The following LRP1B variants were observed in gnomAD, a reference collection of about 807,000 sequenced individuals.
LRP1B encodes the protein low-density lipoprotein receptor-related protein 1B.
In LRP1B, 217 loss-of-function variants were observed where a neutral mutation model predicts 556.6. The observed-to-expected ratio is 0.39, with a 90% confidence interval of 0.35 to 0.44. The LOEUF is 0.44. Ranked by LOEUF, LRP1B falls within the 20% of genes least tolerant of loss-of-function variation. LRP1B has a pLI of 1.00. For synonymous variants in LRP1B, 2,047 were observed against 1,865.8 expected, an observed-to-expected ratio of 1.10 and a Z score of -2.50; for missense variants, 5,053 against 5,620.8, an observed-to-expected ratio of 0.90 and a Z score of 3.23.
At chr2:141,945,541 A>G (rs200092199) in intron 1 of LRP1B, among the ~76,000 whole-genome samples, 60 of 77,332 alleles carry the variant, frequency 7.8e-4, no homozygotes, top group African/African-American at 2.8e-3. Context: ...GTATATATGT[A>G]TATATATATA....
intron 6 of LRP1B, among the ~76,000 whole-genome samples, chr2:141,210,966 A>G (rs1682514012): frequency 6.6e-6 from 1 of 152,136 alleles, no homozygotes; most frequent in Admixed American, 6.6e-5. Flanking sequence ...GTAGAGTGCT[A>G]AGAGGTTTAT....
chr2:140,535,704 T>C (rs1293689129), intron 46 of LRP1B, among the ~76,000 whole-genome samples: 3 of 152,108 alleles, frequency 2.0e-5, no homozygotes, highest in Non-Finnish European at 4.4e-5. Context: ...CTGGATCAAA[T>C]ATACAATGAT....
chr2:141,323,892 ACACACACACACACACCTGAACGAGGAAAC>A (rs1687333883), intron 3 of LRP1B, among the ~76,000 whole-genome samples: 2 of 136,470 alleles, frequency 1.5e-5, no homozygotes, highest in African/African-American at 5.4e-5. Context: ...CAAGGAAACC[ACACACACACACACACCTGAACGAGGAAAC>A]CACACACACA....
At chr2:141,880,675 T>C (rs928728682) in intron 1 of LRP1B, among the ~76,000 whole-genome samples, 3 of 152,192 alleles carry the variant, frequency 2.0e-5, no homozygotes, top group African/African-American at 2.4e-5. Flanking sequence ...TATTGAAGTA[T>C]GAAATGTTAT....
intron 2 of LRP1B, among the ~76,000 whole-genome samples, chr2:141,483,542 A>C (rs1409445810): frequency 1.5e-5 from 1 of 68,474 alleles, no homozygotes; most frequent in Non-Finnish European, 3.5e-5. Context: ...CACCACACTG[A>C]CTTCCACAAT....
intron 1 of LRP1B, among the ~76,000 whole-genome samples, chr2:142,039,885 G>A (rs1704006375): frequency 6.6e-6 from 1 of 151,408 alleles, no homozygotes; most frequent in African/African-American, 2.4e-5. Context: ...GACATAGATC[G>A]AGAGGATGGT....
intron 7 of LRP1B, among the ~76,000 whole-genome samples, chr2:141,063,981 G>C (rs1699410625): frequency 6.6e-6 from 1 of 151,792 alleles, no homozygotes; most frequent in Admixed American, 6.6e-5. Flanking sequence ...GGTACTTAAG[G>C]AGAGAGGTGA....
chr2:140,326,686 A>G (rs77023843), intron 79 of LRP1B, among the ~76,000 whole-genome samples: 3,504 of 150,316 alleles, frequency 0.023, 51 homozygotes, highest in Non-Finnish European at 0.023. Context: ...CAACAGAGTG[A>G]GACCCCCTGC....
chr2:142,072,713 G>A (rs990909290), intron 1 of LRP1B, among the ~76,000 whole-genome samples: 4 of 151,958 alleles, frequency 2.6e-5, no homozygotes, highest in African/African-American at 9.7e-5. Flanking sequence ...TGACTTAAAT[G>A]ATTACACTAT....
Position 141,881,552 on chromosome 2 carries a change from T to C in LRP1B, c.83-71151A>G, listed in dbSNP as rs552032554. Among the ~76,000 whole-genome samples, 4 of 152,212 alleles carry C rather than the reference T, an allele frequency of 2.6e-5. No homozygotes were observed. In the East Asian group the frequency reaches 7.7e-4, roughly 29 times the overall value. On this transcript the variant is annotated intron_variant, in intron 1 of 90. Transcript: ENST00000389484. Reference sequence around the variant, plus strand: ...ACAGTTGCTTTTTATTATCAATCTATTTGAGCTATTAATTTTTAAAAATCA... The same window carrying C: ...ACAGTTGCTTTTTATTATCAATCTACTTGAGCTATTAATTTTTAAAAATCA...
intron 35 of LRP1B, among the ~76,000 whole-genome samples, chr2:140,732,618 T>A (rs1398092007): frequency 1.3e-5 from 2 of 152,144 alleles, no homozygotes; most frequent in African/African-American, 4.8e-5. Flanking sequence ...AAGCAACAGA[T>A]GTTTTTCACT....
chr2:140,414,887 A>T (rs1685117901), intron 66 of LRP1B, among the ~76,000 whole-genome samples: 1 of 152,204 alleles, frequency 6.6e-6, no homozygotes, highest in South Asian at 2.1e-4. Flanking sequence ...AAAAAGAGCC[A>T]TATTTTTCTT....
intron 83 of LRP1B, among the ~76,000 whole-genome samples, chr2:140,313,606 A>T (rs1378694954): frequency 6.6e-6 from 1 of 151,972 alleles, no homozygotes. Context: ...CAATGAGAAA[A>T]TTAAGTTACT....
chr2:141,506,082 G>A (rs1683925484), intron 2 of LRP1B, among the ~76,000 whole-genome samples: 1 of 152,006 alleles, frequency 6.6e-6, no homozygotes, highest in Admixed American at 6.6e-5. Flanking sequence ...CAAACGAGAG[G>A]AGAAAACTCC....
At chr2:141,396,694 AG>A (rs968871960) in intron 3 of LRP1B, among the ~76,000 whole-genome samples, 2 of 152,344 alleles carry the variant, frequency 1.3e-5, no homozygotes, top group African/African-American at 4.8e-5. Flanking sequence ...AATTCTGGAT[AG>A]GGGAAAAACT....
intron 1 of LRP1B, among the ~76,000 whole-genome samples, chr2:141,977,474 A>G (rs1324422461): frequency 6.6e-6 from 1 of 152,128 alleles, no homozygotes; most frequent in African/African-American, 2.4e-5. Flanking sequence ...AGGCAGGAGA[A>G]TTGCTTGAAC....
chr2:141,163,659 G>C (rs1422353960), intron 7 of LRP1B, among the ~76,000 whole-genome samples: 1 of 152,002 alleles, frequency 6.6e-6, no homozygotes, highest in Non-Finnish European at 1.5e-5. Context: ...TATCTCATGA[G>C]ATCTGATTTT....
At chr2:140,924,985 C>G (rs1694845111) in intron 20 of LRP1B, among the ~76,000 whole-genome samples, 1 of 151,694 alleles carries the variant, frequency 6.6e-6, no homozygotes, top group Admixed American at 6.6e-5. Flanking sequence ...AAAAAGAAAA[C>G]AAGAAATAGG....
intron 1 of LRP1B, among the ~76,000 whole-genome samples, chr2:142,126,463 CA>C (rs753264552): frequency 3.3e-5 from 5 of 151,674 alleles, no homozygotes; most frequent in Non-Finnish European, 5.9e-5. Context: ...GGGTTGGGGG[CA>C]ATTGTATAGT....
Sources: allele counts gnomAD v4.1 joint callset (sites outside exome capture counted in the v4.1 genomes callset), GRCh38; gene constraint gnomAD v4.1.1; transcripts MANE v1.5; gene names NCBI Gene and HGNC (gene_info 2026-07-23, HGNC 2026-07-21).